The following EEA1 variants were observed in gnomAD, a reference collection of about 807,000 sequenced individuals.
The protein encoded by EEA1 is early endosome antigen 1, also known as early endosome antigen 1, 162kD.
A neutral mutation model predicts 209.2 loss-of-function variants in EEA1; 111 were observed. The observed-to-expected ratio is 0.53, with a 90% CI of 0.45 to 0.62. The LOEUF is 0.62. EEA1 is among the 20% of genes least tolerant of loss of function. The pLI, the probability that EEA1 is intolerant of heterozygous loss-of-function variation, is 0.00. For synonymous variants in EEA1, 536 were observed against 540.6 expected, an observed-to-expected ratio of 0.99 and a Z score of 0.12; for missense variants, 1,343 against 1,530.8, an observed-to-expected ratio of 0.88 and a Z score of 2.05.
At chr12:92,782,221 A>C in intron 22 of EEA1, 86 bp from the exon 23 acceptor site, 1 of 1,091,084 alleles carries the variant, frequency 9.2e-7, no homozygotes, top group South Asian at 1.8e-5. Flanking sequence ...CATTGTAGAA[A>C]GCAATAAACT....
At chr12:92,783,988 T>C (rs376454215) in intron 22 of EEA1, among the ~76,000 whole-genome samples, 1 of 152,182 alleles carries the variant, frequency 6.6e-6, no homozygotes, top group Non-Finnish European at 1.5e-5. Flanking sequence ...TCCTGAAAGT[T>C]TACTTCTTAC....
chr12:92,809,260 CA>C (rs60540376), intron 17 of EEA1, 104 bp from the exon 18 acceptor site: 371 of 682,288 alleles, frequency 5.4e-4, no homozygotes, highest in South Asian at 1.5e-3. Context: ...GTGTGACATA[CA>C]AAAAAAAATT....
chr12:92,802,347 G>C, intron 19 of EEA1, 57 bp downstream of exon 19: 4 of 1,440,958 alleles, frequency 2.8e-6, no homozygotes, highest in Non-Finnish European at 3.7e-6. Flanking sequence ...AGAAAAATCA[G>C]TACATTTTAA....
chr12:92,833,652 G>A (rs968516478), intron 10 of EEA1, among the ~76,000 whole-genome samples: 1 of 152,102 alleles, frequency 6.6e-6, no homozygotes, highest in Non-Finnish European at 1.5e-5. Context: ...GTAAGTACCT[G>A]GTGAGTCAGT....
rs1283515092 is a variant in EEA1, at chr12:92,800,346, A to G, written c.2772+1254T>C. Among the ~76,000 whole-genome samples, 9 of 152,314 alleles carry G rather than the reference A, an allele frequency of 5.9e-5. No homozygotes were observed. In the East Asian group the frequency reaches 1.2e-3, roughly 20 times the overall value. On this transcript the variant is annotated intron_variant, in intron 20 of 28. Transcript: ENST00000322349. ...CTGTTCAAATTCAGACATCATACAG[A>G]AGTCACACTGAAGTTCCTCTGTCAC... is the stretch of plus-strand genomic sequence containing the variant.
At chr12:92,810,365 A>C (rs1250043238) in intron 17 of EEA1, among the ~76,000 whole-genome samples, 1 of 152,266 alleles carries the variant, frequency 6.6e-6, no homozygotes, top group East Asian at 1.9e-4. Context: ...ATAGGTACCC[A>C]AAAAGAATTC....
At chr12:92,867,032 C>T (rs533286639) in intron 2 of EEA1, among the ~76,000 whole-genome samples, 2 of 152,234 alleles carry the variant, frequency 1.3e-5, no homozygotes, top group African/African-American at 2.4e-5. Flanking sequence ...TCCAGTCTTC[C>T]CTCTTCCTAA....
intron 23 of EEA1, among the ~76,000 whole-genome samples, chr12:92,781,352 C>T (rs1028514604): frequency 6.6e-6 from 1 of 152,134 alleles, no homozygotes; most frequent in Non-Finnish European, 1.5e-5. Context: ...CCAAGAATTT[C>T]AGGGAATATA....
At chr12:92,922,073 C>G in intron 1 of EEA1, among the ~76,000 whole-genome samples, 1 of 152,170 alleles carries the variant, frequency 6.6e-6, no homozygotes, top group East Asian at 1.9e-4. Context: ...TCACATTCAG[C>G]GGCCACTTCT....
Position 92,801,629 on chromosome 12 carries a change from G to T in EEA1, c.2743C>A (p.Leu915Met). ...MENTLKEQKE[L>M]KKSLEKEKEA... ...TTCTCTTTTTCAAGTGACTTTTTCA[G>T]TTCCTTCTGTTCCTTAAGTGTGTTT... The change falls in exon 20 of 29, where the codon CTG (leucine) becomes ATG (methionine). Residue 915 changes from leucine to methionine, a missense_variant. By Grantham distance (15) the Leu-to-Met change is conservative. Coordinates refer to ENST00000322349, the MANE Select transcript of EEA1 (RefSeq NM_003566.4). 6.3e-7 allele frequency: 1 copy of T among 1,591,190 alleles called. No homozygotes were observed. The highest frequency in any genetic ancestry group is 1.2e-5 in the South Asian group (1 of 85,234).
rs1358991682 is a variant in EEA1, at chr12:92,819,354, G to A, written c.1682C>T (p.Ala561Val). Residue 561 changes from alanine (A) to valine (V), a missense_variant, in exon 14 of 29, where the codon GCT becomes GTT. Ala to Val is a moderately conservative substitution (Grantham distance 64, BLOSUM62 0). Coordinates refer to ENST00000322349, the MANE Select transcript of EEA1 (RefSeq NM_003566.4). ...TTTTTCTTGTAACTGGTTAAGAACA[G>A]CAGTCTCTCCTTCACCAGCCTGAAT... is the stretch of plus-strand genomic sequence containing the variant. ...AKIQAGEGETAVLNQLQEKNH... is the reference protein window; with the variant it reads ...AKIQAGEGETVVLNQLQEKNH... The A allele has an allele frequency of 1.9e-6, 3 of 1,612,750 alleles. No individual in the cohort carries two copies. Among genetic ancestry groups the A allele is most frequent in the Admixed American group, 1.7e-5 (1 of 59,964 alleles).
intron 2 of EEA1, among the ~76,000 whole-genome samples, chr12:92,868,165 C>T (rs1592746952): frequency 6.6e-6 from 1 of 152,120 alleles, no homozygotes; most frequent in Non-Finnish European, 1.5e-5. Flanking sequence ...TACAGTAATG[C>T]CATTAGGCTC....
chr12:92,839,744 A>G (rs2136699431), intron 10 of EEA1, among the ~76,000 whole-genome samples: 1 of 152,370 alleles, frequency 6.6e-6, no homozygotes, highest in Admixed American at 6.5e-5. Flanking sequence ...ACAAGTGTCC[A>G]TAGATATAAC....
intron 2 of EEA1, among the ~76,000 whole-genome samples, chr12:92,885,578 GA>G (rs1879343196): frequency 6.6e-6 from 1 of 152,204 alleles, no homozygotes; most frequent in African/African-American, 2.4e-5. Context: ...ATAATCTGAA[GA>G]ATTTCAAGCT....
rs557187566 is a variant in EEA1, at chr12:92,819,233, T to C, written c.1728+75A>G. 1.9e-5 allele frequency: 25 copies of C among 1,293,170 alleles called. No individual in the cohort carries two copies. In the South Asian group the frequency reaches 3.7e-4, roughly 19 times the overall value. The allele number at this position is 1,293,170 out of a possible 1,614,324, so 80.1% of individuals were successfully genotyped here. On this transcript the variant is annotated intron_variant, in intron 14 of 28. Transcript: ENST00000322349. ...TAAAAAGAGCAAGAATGAAGAATCA[T>C]TTAAATAAAGCACTTAGTAAGACTT...
At chr12:92,925,053 G>C (rs1484343626) in intron 1 of EEA1, among the ~76,000 whole-genome samples, 1 of 151,720 alleles carries the variant, frequency 6.6e-6, no homozygotes, top group Non-Finnish European at 1.5e-5. Context: ...ACTCATTCAA[G>C]AGTATAGTTG....
Position 92,864,873 on chromosome 12 carries a change from G to T in EEA1, c.232C>A (p.Leu78Ile), listed in dbSNP as rs1397744650. ...NDSGHGGESN[L>I]ALKRDDVTLL... ...ATCATACCGTACCGCTTCAAAGCAA[G>T]ATTAGACTCTCCTCCATGACCTGAG... is the stretch of plus-strand genomic sequence containing the variant. Residue 78 changes from leucine (L) to isoleucine (I), a missense_variant, in exon 3 of 29, where the codon CTT becomes ATT. Physicochemically the swap from Leu to Ile is conservative, Grantham distance 5. Transcript: ENST00000322349. 2 of 1,602,588 alleles carry T rather than the reference G, an allele frequency of 1.2e-6. No homozygotes were observed. Among genetic ancestry groups the T allele is most frequent in the Admixed American group, 3.4e-5 (2 of 58,026 alleles).
At chr12:92,923,992 T>C (rs1881114255) in intron 1 of EEA1, among the ~76,000 whole-genome samples, 1 of 152,024 alleles carries the variant, frequency 6.6e-6, no homozygotes, top group African/African-American at 2.4e-5. Flanking sequence ...ACACCTATAA[T>C]CCCAGCTATT....
intron 11 of EEA1, 140 bp downstream of exon 11, chr12:92,832,372 C>T (rs556106905): frequency 2.2e-5 from 17 of 765,722 alleles, no homozygotes; most frequent in Non-Finnish European, 3.0e-5. Flanking sequence ...GACAACACTA[C>T]AGGATATAAA....
Sources: gnomAD v4.1 joint callset for allele counts (sites outside exome capture counted in the v4.1 genomes callset) on GRCh38, gnomAD v4.1.1 for gene constraint, MANE v1.5 for transcripts, NCBI Gene and HGNC (gene_info 2026-07-23, HGNC 2026-07-21) for gene names.